The following NBEAL1 variants were observed in gnomAD, a reference collection of about 807,000 sequenced individuals.
NBEAL1 encodes neurobeachin like 1.
NBEAL1 carries 273 observed loss-of-function variants against 351.3 expected under a neutral mutation model. The observed-to-expected ratio is 0.78, with a 90% confidence interval of 0.70 to 0.86. The LOEUF is 0.86. NBEAL1 is among the 40% of genes least tolerant of loss of function. NBEAL1 has a pLI of 0.00. For missense variants in NBEAL1, 2,961 were observed against 3,201.3 expected, an observed-to-expected ratio of 0.92 and a Z score of 1.81; for synonymous variants, 1,050 against 1,086.4, an observed-to-expected ratio of 0.97 and a Z score of 0.66.
At chr2:203,108,394 A>G (rs950930639) in intron 14 of NBEAL1, among the ~76,000 whole-genome samples, 4 of 33,470 alleles carry the variant, frequency 1.2e-4, no homozygotes, top group Non-Finnish European at 4.1e-4. Context: ...ATTGCTGGTT[A>G]AGTTTTTTTT....
At chr2:203,178,714 A>G (rs928705861) in intron 42 of NBEAL1, among the ~76,000 whole-genome samples, 1 of 152,240 alleles carries the variant, frequency 6.6e-6, no homozygotes, top group Non-Finnish European at 1.5e-5. Context: ...GATAGTCAGA[A>G]TAGGCAAAAT....
intron 31 of NBEAL1, among the ~76,000 whole-genome samples, chr2:203,139,929 A>G (rs1373193017): frequency 6.6e-6 from 1 of 151,912 alleles, no homozygotes; most frequent in Non-Finnish European, 1.5e-5. Flanking sequence ...TATTATTGTG[A>G]ATGCTGCATA....
intron 31 of NBEAL1, among the ~76,000 whole-genome samples, chr2:203,142,261 T>G (rs535465195): frequency 1.3e-4 from 20 of 152,306 alleles, no homozygotes; most frequent in Middle Eastern, 6.8e-3. Context: ...GTTCAAGTGA[T>G]TCTCTGGTCT....
At chr2:203,097,480 T>C in intron 10 of NBEAL1, 67 bp from the exon 11 acceptor site, 1 of 575,782 alleles carries the variant, frequency 1.7e-6, no homozygotes, top group Non-Finnish European at 2.2e-6. Flanking sequence ...CCATTTAAGC[T>C]TCATTGCTGC....
chr2:203,122,350 TAATAGTA>T lies in NBEAL1; in HGVS notation c.2682+11_2682+17del. 5 of 1,482,906 alleles carry T rather than the reference TAATAGTA, an allele frequency of 3.4e-6. No homozygotes were observed. In the South Asian group the frequency reaches 5.1e-5, roughly 15 times the overall value. 91.9% of individuals were successfully genotyped at this position (1,482,906 alleles called of 1,614,324 possible). A position where few individuals can be genotyped will look rare whatever the true frequency, so the allele number is the denominator to read the frequency against. On this transcript the variant is annotated splice_region_variant and intron_variant, in intron 19 of 55. Coordinates refer to ENST00000683969, the MANE Select transcript of NBEAL1 (RefSeq NM_001378026.1). ...AGTGAACTGGGACATTAAGGTAAAT[TAATAGTA>T]AATGTTGGGCAACATCTTACATAAT...
chr2:203,145,727 G>A (rs2063493985), intron 33 of NBEAL1, among the ~76,000 whole-genome samples: 1 of 149,166 alleles, frequency 6.7e-6, no homozygotes, highest in African/African-American at 2.5e-5. Flanking sequence ...GAACCTGGGA[G>A]GCAGAGGTTG....
At chr2:203,157,870 T>G (rs904880451) in intron 36 of NBEAL1, 45 bp downstream of exon 36, 3 of 1,393,052 alleles carry the variant, frequency 2.2e-6, no homozygotes, top group Non-Finnish European at 1.9e-6. Flanking sequence ...GAAAGGGGAT[T>G]GCAAAATCGT....
intron 2 of NBEAL1, among the ~76,000 whole-genome samples, chr2:203,031,161 T>G (rs1425564329): frequency 6.6e-6 from 1 of 152,234 alleles, no homozygotes; most frequent in Non-Finnish European, 1.5e-5. Flanking sequence ...TCTCATCTTT[T>G]CCTAGTGATT....
rs533257698 is a variant in NBEAL1 at position 203,220,156 on chromosome 2, A to G, written c.*2802A>G. ...AATGAAATAACAGGTGGACATTTCA[A>G]TTGGTGAATATAGTATCTCAAGTTG... On this transcript the variant is annotated 3_prime_UTR_variant, in exon 56 of 56. Transcript: ENST00000683969. 4.6e-4 allele frequency among the ~76,000 whole-genome samples: 70 copies of G among 152,318 alleles called. 1 individual carries two copies. Among genetic ancestry groups the G allele is most frequent in the Middle Eastern group, 3.4e-3 (1 of 294 alleles).
At chr2:203,185,252 T>C (rs2064860900) in intron 44 of NBEAL1, among the ~76,000 whole-genome samples, 1 of 152,210 alleles carries the variant, frequency 6.6e-6, no homozygotes, top group African/African-American at 2.4e-5. Flanking sequence ...CACTGAATTT[T>C]GTTAGGTTTT....
chr2:203,128,597 C>CTTTT (rs2063000731), intron 24 of NBEAL1, among the ~76,000 whole-genome samples: 1 of 50,856 alleles, frequency 2.0e-5, no homozygotes, highest in East Asian at 5.7e-4. Flanking sequence ...GGGTAGATTT[C>CTTTT]TTTCTTTTTT....
intron 36 of NBEAL1, among the ~76,000 whole-genome samples, chr2:203,164,976 C>T (rs1474733912): frequency 3.3e-5 from 5 of 151,956 alleles, no homozygotes; most frequent in Non-Finnish European, 7.4e-5. Context: ...ATTCTTTTGC[C>T]TCAGCCTCCC....
rs2063865754 is a variant in NBEAL1, at chr2:203,158,814, G to GT, written c.5714+989_5714+990insT. 3.9e-4 allele frequency among the ~76,000 whole-genome samples: 41 copies of GT among 105,744 alleles called. No homozygotes were observed. The South Asian group carries it at 0.014, about 36-fold the overall frequency. The allele number at this position is 105,744 out of a possible 152,430, so 69.4% of individuals were successfully genotyped here. A position where few individuals can be genotyped will look rare whatever the true frequency, so the allele number is the denominator to read the frequency against. ...TTTTTTTGTGTGTGTTTTTCTGTAG[G>GT]GTTTTTTTTTTTTTTTTTTTTTTGA... is the stretch of plus-strand genomic sequence containing the variant. On this transcript the variant is annotated intron_variant, in intron 36 of 55. Transcript: ENST00000683969.
chr2:203,178,487 CA>C (rs1399532770), intron 42 of NBEAL1, among the ~76,000 whole-genome samples: 1 of 151,952 alleles, frequency 6.6e-6, no homozygotes, highest in Non-Finnish European at 1.5e-5. Flanking sequence ...AATTTATAAC[CA>C]AAAAGTAGAA....
At position 203,149,704 on chromosome 2, in the gene NBEAL1, T is replaced by C. The variant is rs562636636; in HGVS notation, c.5462+556T>C. Among the ~76,000 whole-genome samples, 12 of 152,246 alleles carry C rather than the reference T, an allele frequency of 7.9e-5. No individual in the cohort carries two copies. In the East Asian group the frequency reaches 2.1e-3, roughly 27 times the overall value. ...TTTATCACCTAAAAAGGAAATGCTG[T>C]ACCTATTAAAAAGTCACTCCTTATT... On this transcript the variant is annotated intron_variant, in intron 34 of 55. Transcript: ENST00000683969.
chr2:203,200,386 G>A (rs1383563111), intron 49 of NBEAL1, among the ~76,000 whole-genome samples: 2 of 152,178 alleles, frequency 1.3e-5, no homozygotes, highest in South Asian at 2.1e-4. Flanking sequence ...GGTGGCAGGC[G>A]CCTGTAGTCC....
At chr2:203,157,610 C>T in intron 35 of NBEAL1, 89 bp from the exon 36 acceptor site, 8 of 942,118 alleles carry the variant, frequency 8.5e-6, no homozygotes, top group South Asian at 7.3e-5. Flanking sequence ...ATCTAACAGT[C>T]AGGAACACAA....
chr2:203,133,546 TAC>T (rs1283149852), intron 27 of NBEAL1, among the ~76,000 whole-genome samples: 1 of 152,030 alleles, frequency 6.6e-6, no homozygotes, highest in Non-Finnish European at 1.5e-5. Flanking sequence ...TTGTCTTTAG[TAC>T]ACAGTTAACC....
intron 2 of NBEAL1, chr2:203,040,805 T>C (rs1332975527): frequency 1.9e-6 from 1 of 515,842 alleles, no homozygotes; most frequent in South Asian, 1.6e-5. Context: ...CAACCTCCAC[T>C]ATATACCAAA....
Sources: allele counts gnomAD v4.1 joint callset (sites outside exome capture counted in the v4.1 genomes callset), GRCh38; gene constraint gnomAD v4.1.1; transcripts MANE v1.5; gene names NCBI Gene and HGNC (gene_info 2026-07-23, HGNC 2026-07-21).